Variants in NWD1 observed in about 807,000 individuals in gnomAD.
NWD1 encodes the protein NACHT and WD repeat domain containing 1.
NWD1 carries 129 observed loss-of-function variants against 135.1 expected under a neutral mutation model. The observed-to-expected ratio is 0.96, with a 90% CI of 0.83 to 1.11. The LOEUF is 1.11. Ranked by LOEUF, NWD1 falls within the 50% of genes least tolerant of loss-of-function variation. The pLI is 0.00. For missense variants in NWD1, 1,740 were observed against 1,851.3 expected (o/e 0.94, Z 1.10); for synonymous variants, 773 against 786.0 (o/e 0.98, Z 0.28).
At chr19:16,761,332 C>T (rs1969001266) in intron 7 of NWD1, among the ~76,000 whole-genome samples, 1 of 145,118 alleles carries the variant, frequency 6.9e-6, no homozygotes, top group African/African-American at 2.9e-5. Context: ...TTTGTTTGAA[C>T]ACCTGTTCCC....
At position 16,816,462 on chromosome 19, in the gene NWD1, C is replaced by A. The variant is rs1390923629; in HGVS notation, c.*1423C>A. The A allele has an allele frequency of 6.6e-6, 1 of 152,176 alleles. No individual in the cohort carries two copies. Among genetic ancestry groups the A allele is most frequent in the African/African-American group, 2.4e-5 (1 of 41,434 alleles). 9.4% of individuals were successfully genotyped at this position (152,176 alleles called of 1,614,324 possible). On this transcript the variant is annotated 3_prime_UTR_variant, in exon 19 of 19. Coordinates refer to ENST00000524140, the MANE Select transcript of NWD1 (RefSeq NM_001007525.5). ...CCCTCTCTATTCCTTGGCTCCCAAA[C>A]TTTTGGGATAAAGATGTGGGTTTTT...
At chr19:16,804,431 CA>C (rs1970692358) in intron 17 of NWD1, among the ~76,000 whole-genome samples, 1 of 151,664 alleles carries the variant, frequency 6.6e-6, no homozygotes, top group Non-Finnish European at 1.5e-5. Context: ...CCCACCTCTA[CA>C]AAAAAATTTA....
chr19:16,741,034 C>T (rs1360444465), intron 4 of NWD1, among the ~76,000 whole-genome samples: 1 of 152,120 alleles, frequency 6.6e-6, no homozygotes, highest in Non-Finnish European at 1.5e-5. Context: ...GTCGTGGGTG[C>T]CTATAATCCC....
At chr19:16,774,789 A>T (rs985341845) in intron 11 of NWD1, among the ~76,000 whole-genome samples, 4 of 151,114 alleles carry the variant, frequency 2.6e-5, no homozygotes, top group African/African-American at 9.7e-5. Context: ...CCCATCAGTC[A>T]TCCACCCCTC....
chr19:16,759,821 C>G (rs1968939843), intron 7 of NWD1, among the ~76,000 whole-genome samples: 1 of 151,988 alleles, frequency 6.6e-6, no homozygotes, highest in Non-Finnish European at 1.5e-5. Context: ...TGGTGAAACC[C>G]TGTCTCTATT....
intron 4 of NWD1, among the ~76,000 whole-genome samples, chr19:16,737,353 T>A (rs1568338795): frequency 1.3e-5 from 2 of 152,056 alleles, no homozygotes; most frequent in African/African-American, 4.8e-5. Flanking sequence ...AGCCTTGAAC[T>A]CCTGGGCTTC....
intron 14 of NWD1, among the ~76,000 whole-genome samples, chr19:16,793,548 T>C (rs1970320068): frequency 6.8e-6 from 1 of 147,486 alleles, no homozygotes; most frequent in African/African-American, 2.5e-5. Flanking sequence ...TTACCTTTTT[T>C]TTTTAACTGT....
intron 2 of NWD1, among the ~76,000 whole-genome samples, chr19:16,729,069 C>T (rs1161681080): frequency 6.6e-6 from 1 of 151,996 alleles, no homozygotes; most frequent in East Asian, 1.9e-4. Context: ...GATGTGAATG[C>T]AGCTCAGGTA....
chr19:16,783,970 G>A (rs73521283), intron 12 of NWD1, among the ~76,000 whole-genome samples: 8,777 of 152,006 alleles, frequency 0.058, 803 homozygotes, highest in African/African-American at 0.2. Context: ...CCAACACTTC[G>A]GGAGGCCGCG....
intron 17 of NWD1, among the ~76,000 whole-genome samples, chr19:16,804,707 T>G (rs981751873): frequency 6.6e-6 from 1 of 151,524 alleles, no homozygotes; most frequent in African/African-American, 2.4e-5. Flanking sequence ...GTTAAATTAA[T>G]TTTTTTTTAA....
Position 16,815,529 on chromosome 19 carries a change from C to T in NWD1, c.*490C>T. 1.8e-6 allele frequency: 1 copy of T among 541,744 alleles called. No homozygotes were observed. Among genetic ancestry groups the T allele is most frequent in the Non-Finnish European group, 3.3e-6 (1 of 306,756 alleles). 33.6% of individuals were successfully genotyped at this position (541,744 alleles called of 1,614,324 possible). ...ATTTTCATTCTCAGACTTGCCACCCCCAGGTTAGCAACATGGTGGCCAATA... is the reference window on the plus strand; with the variant it reads ...ATTTTCATTCTCAGACTTGCCACCCTCAGGTTAGCAACATGGTGGCCAATA... On this transcript the variant is annotated 3_prime_UTR_variant, in exon 19 of 19. Transcript: ENST00000524140.
intron 16 of NWD1, among the ~76,000 whole-genome samples, chr19:16,799,126 T>C (rs991605508): frequency 6.6e-6 from 1 of 152,104 alleles, no homozygotes; most frequent in Non-Finnish European, 1.5e-5. Flanking sequence ...TGAAGGCCCT[T>C]GAACTTACAG....
chr19:16,766,842 T>A (rs1484875715), intron 10 of NWD1, among the ~76,000 whole-genome samples: 2 of 152,182 alleles, frequency 1.3e-5, no homozygotes, highest in Non-Finnish European at 1.5e-5. Flanking sequence ...TGCCTCAGAC[T>A]CCCAAAGTGC....
chr19:16,768,457 C>A (rs1261521516), intron 10 of NWD1, among the ~76,000 whole-genome samples: 2 of 152,182 alleles, frequency 1.3e-5, no homozygotes, highest in African/African-American at 4.8e-5. Flanking sequence ...CACTAGATCA[C>A]ATGGAAATTT....
intron 2 of NWD1, among the ~76,000 whole-genome samples, 188 bp downstream of exon 2, chr19:16,724,651 G>A (rs933684034): frequency 3.9e-5 from 6 of 152,080 alleles, no homozygotes; most frequent in African/African-American, 1.4e-4. Flanking sequence ...AGCCTGCCAA[G>A]TTCCAGCCTT....
chr19:16,746,597 C>T (rs569916029), intron 5 of NWD1, among the ~76,000 whole-genome samples: 21 of 151,606 alleles, frequency 1.4e-4, no homozygotes, highest in Non-Finnish European at 2.5e-4. Context: ...CACTTGAACC[C>T]GGGAGGCAGC....
chr19:16,808,543 T>TA (rs200598722), intron 18 of NWD1, among the ~76,000 whole-genome samples: 12 of 145,664 alleles, frequency 8.2e-5, no homozygotes, highest in South Asian at 2.2e-4. Flanking sequence ...ACACTCCGTT[T>TA]AAAAAAAAAA....
chr19:16,785,004 A>C (rs988497068), intron 12 of NWD1, among the ~76,000 whole-genome samples: 15 of 151,432 alleles, frequency 9.9e-5, no homozygotes, highest in Non-Finnish European at 1.9e-4. Context: ...ACTCCCATGG[A>C]TATGAAATGT....
intron 10 of NWD1, among the ~76,000 whole-genome samples, chr19:16,766,874 C>G (rs1266264348): frequency 6.6e-6 from 1 of 152,204 alleles, no homozygotes; most frequent in Non-Finnish European, 1.5e-5. Flanking sequence ...GCATGAACCA[C>G]TGTGCCTGAC....
Sources: allele counts gnomAD v4.1 joint callset (sites outside exome capture counted in the v4.1 genomes callset), GRCh38; gene constraint gnomAD v4.1.1; transcripts MANE v1.5; gene names NCBI Gene and HGNC (gene_info 2026-07-23, HGNC 2026-07-21).